MANBAL: variants seen among roughly 807,000 people sequenced by gnomAD.
The protein encoded by MANBAL is mannosidase beta like.
In MANBAL, 1 loss-of-function variant was observed where a neutral mutation model predicts 6.4. The ratio of observed to expected loss-of-function variants is 0.16; its 90% confidence interval spans 0.06 to 0.74. The LOEUF (loss-of-function observed/expected upper bound fraction) is 0.74, where lower values mean the gene tolerates loss of function less well. Ranked by LOEUF, MANBAL falls within the 30% of genes least tolerant of loss-of-function variation. The probability of loss-of-function intolerance (pLI) is 0.78; values close to 1 mark genes in which losing one functional copy is unlikely to be tolerated. For synonymous variants in MANBAL, 47 were observed against 45.8 expected (o/e 1.03, Z -0.10); for missense variants, 100 against 107.8 (o/e 0.93, Z 0.32).
intron 1 of MANBAL, among the ~76,000 whole-genome samples, chr20:37,296,414 A>G (rs1205766820): frequency 6.6e-6 from 1 of 152,248 alleles, no homozygotes; most frequent in Non-Finnish European, 1.5e-5. Flanking sequence ...AGCCCATGAA[A>G]TCAGCTTATA....
intron 2 of MANBAL, 27 bp from the exon 3 acceptor site, chr20:37,316,281 A>G: frequency 6.2e-7 from 1 of 1,605,808 alleles, no homozygotes; most frequent in Non-Finnish European, 8.5e-7. Flanking sequence ...CCATCTAAGC[A>G]GGACTCTCCT....
chr20:37,300,766 G>A, intron 1 of MANBAL, among the ~76,000 whole-genome samples: 1 of 152,286 alleles, frequency 6.6e-6, no homozygotes, highest in East Asian at 1.9e-4. Flanking sequence ...CTGACCATAT[G>A]TTCCCAACTT....
chr20:37,313,837 G>T (rs2069444488), intron 2 of MANBAL, among the ~76,000 whole-genome samples: 1 of 152,220 alleles, frequency 6.6e-6, no homozygotes, highest in African/African-American at 2.4e-5. Context: ...CATGGACAGG[G>T]CCAAACCATG....
At chr20:37,306,512 C>T (rs2069262702) in intron 2 of MANBAL, among the ~76,000 whole-genome samples, 1 of 152,138 alleles carries the variant, frequency 6.6e-6, no homozygotes, top group East Asian at 1.9e-4. Context: ...GAATCGTAAG[C>T]CAAATGAAAA....
chr20:37,309,297 C>T (rs1260363794), intron 2 of MANBAL, among the ~76,000 whole-genome samples: 2 of 152,168 alleles, frequency 1.3e-5, no homozygotes, highest in Non-Finnish European at 2.9e-5. Flanking sequence ...TCTGCCTCTC[C>T]TCACCTTCTG....
At position 37,316,470 on chromosome 20, in the gene MANBAL, C is replaced by G; in HGVS notation, c.*55C>G. 1.3e-6 allele frequency: 2 copies of G among 1,483,486 alleles called. No homozygotes were observed. The highest frequency in any genetic ancestry group is 1.9e-6 in the Non-Finnish European group (2 of 1,077,680). The allele number at this position is 1,483,486 out of a possible 1,614,324, so 91.9% of individuals were successfully genotyped here. ...GGGAGAGGGTCTTGGGGACAGCCCT[C>G]CTGGGAATCTACATTGTGTTCCCCC... On this transcript the variant is annotated 3_prime_UTR_variant, in exon 3 of 3. Transcript: ENST00000373606.
chr20:37,297,084 G>A (rs2069014838), intron 1 of MANBAL: 1 of 152,218 alleles, frequency 6.6e-6, no homozygotes, highest in African/African-American at 2.4e-5. Context: ...TTTATGAGGT[G>A]CAACTGCGGA....
intron 1 of MANBAL, among the ~76,000 whole-genome samples, chr20:37,297,969 A>G (rs1600900571): frequency 1.3e-5 from 2 of 152,092 alleles, no homozygotes; most frequent in South Asian, 4.1e-4. Flanking sequence ...GATTGTCTCT[A>G]CCCCAGGGCT....
At chr20:37,314,439 C>T (rs1002527078) in intron 2 of MANBAL, among the ~76,000 whole-genome samples, 1 of 152,140 alleles carries the variant, frequency 6.6e-6, no homozygotes, top group Non-Finnish European at 1.5e-5. Context: ...AACTGGGTCT[C>T]ACTGTCCCTG....
At chr20:37,300,744 A>G (rs1051189535) in intron 1 of MANBAL, among the ~76,000 whole-genome samples, 4 of 152,218 alleles carry the variant, frequency 2.6e-5, no homozygotes, top group Non-Finnish European at 4.4e-5. Flanking sequence ...AGTTGAAAGA[A>G]TGGTTCATTG....
intron 2 of MANBAL, among the ~76,000 whole-genome samples, chr20:37,303,746 A>G (rs552217440): frequency 4.9e-4 from 74 of 152,316 alleles, no homozygotes; most frequent in Non-Finnish European, 8.5e-4. Context: ...GATTTGTGGC[A>G]ATGTGTGTGA....
chr20:37,296,676 A>G (rs1410510877), intron 1 of MANBAL, among the ~76,000 whole-genome samples: 1 of 152,034 alleles, frequency 6.6e-6, no homozygotes, highest in African/African-American at 2.4e-5. Flanking sequence ...TCTTCTTTTG[A>G]ATTGTTTCCT....
At chr20:37,313,517 C>T (rs951761968) in intron 2 of MANBAL, among the ~76,000 whole-genome samples, 1 of 152,034 alleles carries the variant, frequency 6.6e-6, no homozygotes, top group African/African-American at 2.4e-5. Flanking sequence ...CCAGCTTGGC[C>T]AACATGATAA....
Position 37,301,455 on chromosome 20 carries a change from GCTGGGTTCTGAGTA to G in MANBAL, c.150+45_150+58del, listed in dbSNP as rs764783572. The G allele has an allele frequency of 2.7e-5, 43 of 1,603,896 alleles. 1 individual carries two copies. The African/African-American group carries it at 5.2e-4, about 19-fold the overall frequency. The stretch of plus-strand genomic sequence containing the variant: ...GAGCCTCAGCTCCTCTGAGTGCCAG[GCTGGGTTCTGAGTA>G]CTAACAGTAGGTGCCACCACAACTG... On this transcript the variant is annotated intron_variant, in intron 2 of 2. Transcript: ENST00000373606.
rs748759475 is a variant in MANBAL, at chr20:37,302,281, A to C, written c.150+868A>C. The C allele has an allele frequency of 4.2e-5, 65 of 1,550,542 alleles. No individual in the cohort carries two copies. In the African/African-American group the frequency reaches 8.3e-4, roughly 20 times the overall value. On this transcript the variant is annotated intron_variant, in intron 2 of 2. Coordinates refer to ENST00000373606, the MANE Select transcript of MANBAL (RefSeq NM_001003897.2). ...GTTCCCTGTGTTTCCTGTCAACAGG[A>C]GTTCCATGTAGAGGCCTGATTCCAT...
At chr20:37,299,758 G>A (rs1310137367) in intron 1 of MANBAL, among the ~76,000 whole-genome samples, 1 of 152,222 alleles carries the variant, frequency 6.6e-6, no homozygotes, top group Non-Finnish European at 1.5e-5. Context: ...TGACACTTGA[G>A]CTCAGCCTTA....
chr20:37,300,474 G>A (rs1004396821), intron 1 of MANBAL, among the ~76,000 whole-genome samples: 2 of 152,112 alleles, frequency 1.3e-5, no homozygotes, highest in Non-Finnish European at 2.9e-5. Context: ...ACATCTCGAC[G>A]TGTTCATTGT....
In MANBAL at chr20:37,316,503, A is replaced by C; in HGVS notation, c.*88A>C. ...TCTACATTGTGTTCCCCCGCATTCC[A>C]GGCTCAGGGTCTGAGGAGGCTGTGA... is the stretch of plus-strand genomic sequence containing the variant. On this transcript the variant is annotated 3_prime_UTR_variant, in exon 3 of 3. Coordinates refer to ENST00000373606, the MANE Select transcript of MANBAL (RefSeq NM_001003897.2). 1.7e-6 allele frequency: 2 copies of C among 1,208,342 alleles called. No homozygotes were observed. The highest frequency in any genetic ancestry group is 2.8e-5 in the South Asian group (2 of 72,474). 74.9% of individuals were successfully genotyped at this position (1,208,342 alleles called of 1,614,324 possible). A position where few individuals can be genotyped will look rare whatever the true frequency, so the allele number is the denominator to read the frequency against.
At chr20:37,313,158 C>T (rs1369305748) in intron 2 of MANBAL, among the ~76,000 whole-genome samples, 1 of 151,668 alleles carries the variant, frequency 6.6e-6, no homozygotes, top group Non-Finnish European at 1.5e-5. Context: ...TCGGGCAGAT[C>T]ACGAGGTCAG....
Sources: gnomAD v4.1 joint callset for allele counts (sites outside exome capture counted in the v4.1 genomes callset) on GRCh38, gnomAD v4.1.1 for gene constraint, MANE v1.5 for transcripts, NCBI Gene and HGNC (gene_info 2026-07-23, HGNC 2026-07-21) for gene names.